TRMT112: variants seen among roughly 807,000 people sequenced by gnomAD.
TRMT112 encodes the protein multifunctional methyltransferase subunit TRM112-like protein.
In TRMT112, 9 loss-of-function variants were observed where a neutral mutation model predicts 13.8. The ratio of observed to expected loss-of-function variants is 0.65; its 90% CI spans 0.39 to 1.14. TRMT112 has a LOEUF of 1.14. Ranked by LOEUF, TRMT112 falls within the 50% of genes most tolerant of loss-of-function variation. The pLI is 0.01. For missense variants in TRMT112, 196 were observed against 165.5 expected (o/e 1.18, Z -1.01); for synonymous variants, 64 against 67.0 (o/e 0.96, Z 0.22).
chr11:64,317,620 G>A (rs2079660159), upstream of TRMT112: 4 of 1,323,618 alleles, frequency 3.0e-6, no homozygotes, highest in East Asian at 2.5e-5. Context: ...CTATTGGATA[G>A]CCAGGAGAAC....
upstream of TRMT112, chr11:64,318,488 C>A: frequency 5.6e-6 from 8 of 1,423,382 alleles, no homozygotes; most frequent in Non-Finnish European, 6.6e-6. Flanking sequence ...CTGCCAGACC[C>A]CTCCCCTCCG....
rs774517266 is a variant in TRMT112 at position 64,317,483 on chromosome 11, C to T, written c.44G>A (p.Gly15Glu). 3 of 1,606,956 alleles carry T rather than the reference C, an allele frequency of 1.9e-6. No individual in the cohort carries two copies. The highest frequency in any genetic ancestry group is 2.7e-5 in the African/African-American group (2 of 74,938). The change falls in exon 1 of 4, where the codon GGG (glycine) becomes GAG (glutamate). Residue 15 changes from glycine (G) to glutamate (E), a missense_variant. By Grantham distance (98) the Gly-to-Glu change is moderately conservative (BLOSUM62 -2). Transcript: ENST00000544844. ...CAGGGGGAAGCCACGGGACCCCACCCCCCGCACATGCGAGCTCAGCAGATT... is the reference window on the plus strand; with the variant it reads ...CAGGGGGAAGCCACGGGACCCCACCTCCCGCACATGCGAGCTCAGCAGATT... ...THNLLSSHVR[G>E]VGSRGFPLRL...
chr11:64,318,313 A>G (rs7938623), upstream of TRMT112: 1,596,183 of 1,612,608 alleles, frequency 0.99, 791,301 homozygotes, highest in East Asian at 1. Flanking sequence ...GCAAGACGGT[A>G]CAGTGAAGGA....
At position 64,317,299 on chromosome 11, in the gene TRMT112, C is replaced by CT. The variant is rs1565380179; in HGVS notation, c.144dup (p.Val49SerfsTer12). Reference sequence around the variant, plus strand: ...GCCTCCAGGAACGCCGACCACTCCACTTTAGGTATCATACGCGCCACGAAG... The same window carrying CT: ...GCCTCCAGGAACGCCGACCACTCCACTTTTAGGTATCATACGCGCCACGAAG... On this transcript the variant is annotated frameshift_variant, in exon 2 of 4. Coordinates refer to ENST00000544844, the MANE Select transcript of TRMT112 (RefSeq NM_016404.3). LOFTEE classifies it high-confidence loss of function. 6.2e-7 allele frequency: 1 copy of CT among 1,614,102 alleles called. No homozygotes were observed. Among genetic ancestry groups the CT allele is most frequent in the Non-Finnish European group, 8.5e-7 (1 of 1,179,964 alleles).
chr11:64,316,653 C>A lies in TRMT112; in HGVS notation c.*208G>T. ...CCCAGAGCCCTTGGCTGTACAGAGA[C>A]TCTATTTTAATGTATATTTGCTGCA... On this transcript the variant is annotated 3_prime_UTR_variant, in exon 4 of 4. Coordinates refer to ENST00000544844, the MANE Select transcript of TRMT112 (RefSeq NM_016404.3). 1.7e-6 allele frequency: 1 copy of A among 573,416 alleles called. No homozygotes were observed. Among genetic ancestry groups the A allele is most frequent in the Non-Finnish European group, 3.2e-6 (1 of 315,494 alleles). The allele number at this position is 573,416 out of a possible 1,614,324, so 35.5% of individuals were successfully genotyped here. A position where few individuals can be genotyped will look rare whatever the true frequency, so the allele number is the denominator to read the frequency against.
At chr11:64,318,253 C>T (rs1164234166), upstream of TRMT112, 8 of 1,612,150 alleles carry the variant, frequency 5.0e-6, no homozygotes, top group Non-Finnish European at 6.8e-6. Flanking sequence ...AGACGCTCAG[C>T]GGGCTATATA....
At chr11:64,317,630 C>G (rs2035338881), upstream of TRMT112, 15 of 1,253,334 alleles carry the variant, frequency 1.2e-5, no homozygotes, top group Non-Finnish European at 1.6e-5. Context: ...GCCAGGAGAA[C>G]CGGAAGTGGC....
upstream of TRMT112, chr11:64,318,023 G>T: frequency 1.4e-6 from 2 of 1,413,482 alleles, no homozygotes; most frequent in South Asian, 3.0e-5. Flanking sequence ...TAGTTGCGTC[G>T]GCTGTCCAGC....
chr11:64,317,480 AC>A lies in TRMT112; in HGVS notation c.46del (p.Val16TrpfsTer30), dbSNP rs762738556. The A allele has an allele frequency of 3.1e-6, 5 of 1,606,432 alleles. No individual in the cohort carries two copies. Among genetic ancestry groups the A allele is most frequent in the Admixed American group, 3.4e-5 (2 of 58,922 alleles). On this transcript the variant is annotated frameshift_variant, in exon 1 of 4. Transcript: ENST00000544844. LOFTEE classifies it high-confidence loss of function. ...GCGCAGGGGGAAGCCACGGGACCCC[AC>A]CCCCCGCACATGCGAGCTCAGCAGA... is the stretch of plus-strand genomic sequence containing the variant. ...HNLLSSHVRG[V>X]GSRGFPLRLQ...
rs1199643027 is a variant in TRMT112, at chr11:64,317,323, A to G, written c.121T>C (p.Phe41Leu). Reference protein sequence around the residue: ...RICPVEFNPNFVARMIPKVEW... With the variant: ...RICPVEFNPNLVARMIPKVEW... ...ACTTTAGGTATCATACGCGCCACGA[A>G]GTTGGGGTTGAATTCCACAGGGCAG... The change falls in exon 2 of 4, where the codon TTC becomes CTC. Residue 41 changes from phenylalanine to leucine, a missense_variant. Coordinates refer to ENST00000544844, the MANE Select transcript of TRMT112 (RefSeq NM_016404.3). The G allele has an allele frequency of 6.2e-7, 1 of 1,614,078 alleles. No homozygotes were observed. Among genetic ancestry groups the G allele is most frequent in the South Asian group, 1.1e-5 (1 of 91,078 alleles).
At chr11:64,318,265 T>A, upstream of TRMT112, 1 of 1,612,308 alleles carries the variant, frequency 6.2e-7, no homozygotes, top group Non-Finnish European at 8.5e-7. Flanking sequence ...GGCTATATAC[T>A]CGTCGGTGGG....
chr11:64,317,535 A>G lies in TRMT112; in HGVS notation c.-9T>C, dbSNP rs1181305089. 6.4e-7 allele frequency: 1 copy of G among 1,553,074 alleles called. No individual in the cohort carries two copies. The highest frequency in any genetic ancestry group is 1.9e-5 in the Admixed American group (1 of 52,666). On this transcript the variant is annotated 5_prime_UTR_variant, in exon 1 of 4. Coordinates refer to ENST00000544844, the MANE Select transcript of TRMT112 (RefSeq NM_016404.3). ...TGGGTAAGCAGTTTCATGTCGCCGC[A>G]CAAACTCTCGCCAGGCCGGAACCGG...
At chr11:64,317,029 C>T in intron 3 of TRMT112, 29 bp downstream of exon 3, 1 of 1,613,860 alleles carries the variant, frequency 6.2e-7, no homozygotes, top group Non-Finnish European at 8.5e-7. Flanking sequence ...GCAGGTGGCC[C>T]GGGAAGCAAG....
upstream of TRMT112, among the ~76,000 whole-genome samples, chr11:64,318,570 T>G (rs544565975): frequency 1.1e-4 from 16 of 151,518 alleles, no homozygotes; most frequent in Admixed American, 7.2e-4. Context: ...GGGCCTCACC[T>G]CCCGGGACAG....
chr11:64,318,273 G>T, upstream of TRMT112: 1 of 1,612,448 alleles, frequency 6.2e-7, no homozygotes, highest in Admixed American at 1.7e-5. Flanking sequence ...ACTCGTCGGT[G>T]GGGCCGGCGG....
At chr11:64,317,758 C>A, upstream of TRMT112, 1 of 757,508 alleles carries the variant, frequency 1.3e-6, no homozygotes, top group Non-Finnish European at 2.0e-6. Context: ...GCACGCCCAG[C>A]TTTTTTTTGC....
upstream of TRMT112, chr11:64,318,324 G>A: frequency 6.2e-7 from 1 of 1,612,732 alleles, no homozygotes; most frequent in Non-Finnish European, 8.5e-7. Flanking sequence ...CAGTGAAGGA[G>A]AGTGGGCGTC....
At chr11:64,317,751 C>T, upstream of TRMT112, 1 of 750,334 alleles carries the variant, frequency 1.3e-6, no homozygotes, top group African/African-American at 1.8e-5. Flanking sequence ...CTACGGCGCA[C>T]GCCCAGCTTT....
Position 64,317,338 on chromosome 11 carries a change from C to T in TRMT112, c.106G>A (p.Glu36Lys), listed in dbSNP as rs1361472252. 2 of 1,614,054 alleles carry T rather than the reference C, an allele frequency of 1.2e-6. No homozygotes were observed. Among genetic ancestry groups the T allele is most frequent in the African/African-American group, 2.7e-5 (2 of 74,910 alleles). The change falls in exon 2 of 4, where the codon GAA becomes AAA. Residue 36 changes from glutamate (E) to lysine (K), a missense_variant. Physicochemically the swap from Glu to Lys is moderately conservative, Grantham distance 56 (BLOSUM62 1). Transcript: ENST00000544844. Reference protein sequence around the residue: ...QATEVRICPVEFNPNFVARMI... With the variant: ...QATEVRICPVKFNPNFVARMI... ...CGCGCCACGAAGTTGGGGTTGAATT[C>T]CACAGGGCAGATACGGACCTCGGTG...
Sources: gnomAD v4.1 joint callset for allele counts (sites outside exome capture counted in the v4.1 genomes callset) on GRCh38, gnomAD v4.1.1 for gene constraint, MANE v1.5 for transcripts, NCBI Gene and HGNC (gene_info 2026-07-23, HGNC 2026-07-21) for gene names.